Variants in MAP4K3 observed in about 807,000 individuals in gnomAD.
MAP4K3 encodes MAPK/ERK kinase kinase kinase 3.
MAP4K3 carries 94 observed loss-of-function variants against 143.5 expected under a neutral mutation model. The observed-to-expected ratio is 0.65, with a 90% CI of 0.55 to 0.78. The LOEUF (loss-of-function observed/expected upper bound fraction) is 0.78. Ranked by LOEUF, MAP4K3 falls within the 30% of genes least tolerant of loss-of-function variation. The pLI, the probability that MAP4K3 is intolerant of heterozygous loss-of-function variation, is 0.00. For missense variants in MAP4K3, 1,077 were observed against 1,068.1 expected, an observed-to-expected ratio of 1.01 and a Z score of -0.12; for synonymous variants, 416 against 347.2, an observed-to-expected ratio of 1.20 and a Z score of -2.20.
intron 2 of MAP4K3, among the ~76,000 whole-genome samples, chr2:39,361,046 C>A (rs1381400418): frequency 1.3e-5 from 2 of 152,152 alleles, no homozygotes; most frequent in Non-Finnish European, 2.9e-5. Context: ...CACAGTGTCA[C>A]TATTAAGGAT....
chr2:39,355,218 G>A (rs550972505), intron 3 of MAP4K3, among the ~76,000 whole-genome samples: 24 of 152,134 alleles, frequency 1.6e-4, no homozygotes, highest in Middle Eastern at 3.4e-3. Context: ...AAAATTAGCT[G>A]GGCGTGGTGC....
At chr2:39,393,529 T>A (rs1233144476) in intron 1 of MAP4K3, among the ~76,000 whole-genome samples, 2 of 152,214 alleles carry the variant, frequency 1.3e-5, no homozygotes, top group Non-Finnish European at 2.9e-5. Context: ...TTTTAAAATT[T>A]TAATTTTTTA....
intron 26 of MAP4K3, among the ~76,000 whole-genome samples, chr2:39,269,650 T>A (rs528213260): frequency 6.6e-6 from 1 of 152,124 alleles, no homozygotes; most frequent in African/African-American, 2.4e-5. Flanking sequence ...TTATTCAGAG[T>A]GTGCAAGGTA....
intron 18 of MAP4K3, 62 bp from the exon 19 acceptor site, chr2:39,290,396 A>C: frequency 9.2e-7 from 1 of 1,089,078 alleles, no homozygotes; most frequent in South Asian, 1.5e-5. Flanking sequence ...ATCCTAAAAT[A>C]TAATAATTTT....
At chr2:39,429,544 G>C (rs917765312) in intron 1 of MAP4K3, among the ~76,000 whole-genome samples, 2 of 152,154 alleles carry the variant, frequency 1.3e-5, no homozygotes, top group Non-Finnish European at 2.9e-5. Flanking sequence ...TAATTTCCTC[G>C]TTTTGATAAT....
Position 39,348,687 on chromosome 2 carries a change from G to A in MAP4K3, c.246-5235C>T, listed in dbSNP as rs572990562. Among the ~76,000 whole-genome samples the A allele has an allele frequency of 9.2e-5, 14 of 152,146 alleles. 1 individual carries two copies. In the South Asian group the frequency reaches 2.9e-3, roughly 32 times the overall value. On this transcript the variant is annotated intron_variant, in intron 3 of 33. Transcript: ENST00000263881. ...TTCAATGTATCAGTATTAACATCCT[G>A]ATTCAACAAATCCTCAGAATTCTTT...
At chr2:39,306,971 T>C (rs1012059322) in intron 15 of MAP4K3, among the ~76,000 whole-genome samples, 5 of 152,224 alleles carry the variant, frequency 3.3e-5, no homozygotes, top group Non-Finnish European at 4.4e-5. Context: ...TAAGAGTTTG[T>C]ATGTGTAAGT....
intron 6 of MAP4K3, among the ~76,000 whole-genome samples, chr2:39,335,844 T>C (rs1270304149): frequency 6.6e-6 from 1 of 152,198 alleles, no homozygotes; most frequent in African/African-American, 2.4e-5. Flanking sequence ...TTTGAAGACA[T>C]GCGCATAAGG....
At chr2:39,398,344 A>C (rs1167513195) in intron 1 of MAP4K3, among the ~76,000 whole-genome samples, 1 of 152,146 alleles carries the variant, frequency 6.6e-6, no homozygotes, top group African/African-American at 2.4e-5. Flanking sequence ...GACTGATATA[A>C]CGAGAGAGCT....
intron 1 of MAP4K3, among the ~76,000 whole-genome samples, chr2:39,394,224 C>G (rs1436429674): frequency 6.6e-6 from 1 of 152,168 alleles, no homozygotes; most frequent in Non-Finnish European, 1.5e-5. Context: ...AACAACATCT[C>G]ATTTGCTTCT....
At chr2:39,375,614 AATTTT>A in intron 2 of MAP4K3, among the ~76,000 whole-genome samples, 1 of 152,342 alleles carries the variant, frequency 6.6e-6, no homozygotes, top group South Asian at 2.1e-4. Flanking sequence ...TATCTTTAAT[AATTTT>A]ATTAAGGCAT....
At chr2:39,337,273 T>C (rs1664995721) in intron 5 of MAP4K3, among the ~76,000 whole-genome samples, 1 of 152,154 alleles carries the variant, frequency 6.6e-6, no homozygotes, top group Non-Finnish European at 1.5e-5. Context: ...CTTTCTTTGG[T>C]ATTAAGAGGA....
At chr2:39,296,225 G>C (rs1682276399) in intron 16 of MAP4K3, among the ~76,000 whole-genome samples, 1 of 152,156 alleles carries the variant, frequency 6.6e-6, no homozygotes, top group Admixed American at 6.5e-5. Context: ...TTAATGAAAA[G>C]TAGGATGCAT....
chr2:39,346,324 A>G (rs1458892023), intron 3 of MAP4K3, among the ~76,000 whole-genome samples: 1 of 152,240 alleles, frequency 6.6e-6, no homozygotes, highest in Non-Finnish European at 1.5e-5. Flanking sequence ...TCTTTATAAA[A>G]CAAAAGGCAG....
intron 1 of MAP4K3, among the ~76,000 whole-genome samples, chr2:39,410,970 T>TTAA (rs1667217324): frequency 6.6e-6 from 1 of 152,192 alleles, no homozygotes; most frequent in African/African-American, 2.4e-5. Context: ...GAGAAACTGT[T>TTAA]TAAAAGAACA....
chr2:39,324,971 G>GT (rs561615209), intron 12 of MAP4K3, among the ~76,000 whole-genome samples: 3 of 152,066 alleles, frequency 2.0e-5, no homozygotes, highest in Non-Finnish European at 4.4e-5. Context: ...AATTTATGAA[G>GT]TATTATATAA....
intron 32 of MAP4K3, among the ~76,000 whole-genome samples, chr2:39,253,346 C>T (rs1573055117): frequency 6.6e-6 from 1 of 152,122 alleles, no homozygotes; most frequent in Non-Finnish European, 1.5e-5. Context: ...GTTGGCCAGG[C>T]TGGTTTTGAT....
At chr2:39,356,898 T>G (rs753211551) in intron 2 of MAP4K3, among the ~76,000 whole-genome samples, 5 of 152,218 alleles carry the variant, frequency 3.3e-5, no homozygotes, top group Non-Finnish European at 7.3e-5. Context: ...TTTTCTAAGT[T>G]AGGGCAGGAA....
intron 1 of MAP4K3, among the ~76,000 whole-genome samples, chr2:39,379,295 G>T (rs549961897): frequency 1.3e-5 from 2 of 152,050 alleles, no homozygotes; most frequent in African/African-American, 4.8e-5. Context: ...GAAGAACAAA[G>T]ATATTAAGAG....
Sources: allele counts gnomAD v4.1 joint callset (sites outside exome capture counted in the v4.1 genomes callset), GRCh38; gene constraint gnomAD v4.1.1; transcripts MANE v1.5; gene names NCBI Gene and HGNC (gene_info 2026-07-23, HGNC 2026-07-21).